Variants in GRM5 observed in about 807,000 individuals in gnomAD.
GRM5 encodes the protein glutamate metabotropic receptor 5.
Under a neutral mutation model 83.1 loss-of-function variants are expected in GRM5, and 19 were observed. The ratio of observed to expected loss-of-function variants is 0.23; its 90% CI spans 0.16 to 0.34. The LOEUF (loss-of-function observed/expected upper bound fraction) is 0.34, where lower values mean the gene tolerates loss of function less well. Among genes scored for constraint, GRM5 ranks in the 10% least tolerant of loss-of-function variants. GRM5 has a pLI of 1.00. For missense variants in GRM5, 1,160 were observed against 1,588.3 expected (o/e 0.73, Z 4.58); for synonymous variants, 675 against 633.6 (o/e 1.07, Z -0.98).
At chr11:88,582,919 C>G (rs1943241541) in intron 7 of GRM5, among the ~76,000 whole-genome samples, 2 of 151,922 alleles carry the variant, frequency 1.3e-5, no homozygotes. Flanking sequence ...AATCATAGCA[C>G]CTGGGATTTC....
intron 4 of GRM5, among the ~76,000 whole-genome samples, chr11:88,637,111 G>A (rs550223624): frequency 1.8e-4 from 28 of 152,108 alleles, no homozygotes; most frequent in African/African-American, 6.7e-4. Context: ...AGCTTGATGG[G>A]GATGGCATTG....
chr11:88,699,719 A>AG (rs1269619012), intron 3 of GRM5, among the ~76,000 whole-genome samples: 6 of 143,210 alleles, frequency 4.2e-5, no homozygotes, highest in Non-Finnish European at 9.1e-5. Flanking sequence ...AGCATGAGCA[A>AG]GACTAGTAGA....
At chr11:88,987,345 G>T (rs1299643574) in intron 2 of GRM5, among the ~76,000 whole-genome samples, 1 of 152,124 alleles carries the variant, frequency 6.6e-6, no homozygotes, top group Non-Finnish European at 1.5e-5. Context: ...CCCCCAGCTG[G>T]CTCGGAGGGT....
At chr11:88,524,202 CTTTCTTTCTTTCTTTTTT>C (rs1437929476) in intron 9 of GRM5, 3 of 99,832 alleles carry the variant, frequency 3.0e-5, no homozygotes, top group South Asian at 3.3e-4. Context: ...TTCTTTCTTT[CTTTCTTTCTTTCTTTTTT>C]TTTTTTTTTT....
intron 2 of GRM5, among the ~76,000 whole-genome samples, chr11:88,977,067 T>C (rs1939365724): frequency 6.6e-6 from 1 of 151,640 alleles, no homozygotes; most frequent in South Asian, 2.1e-4. Context: ...AAGATTTTAT[T>C]CTCAAATAAT....
At chr11:89,051,650 C>A (rs1207861375) in intron 1 of GRM5, among the ~76,000 whole-genome samples, 1 of 152,058 alleles carries the variant, frequency 6.6e-6, no homozygotes, top group Admixed American at 6.5e-5. Context: ...GAGGAGGATG[C>A]AGTGAACCAA....
intron 3 of GRM5, among the ~76,000 whole-genome samples, chr11:88,762,758 G>A (rs1278960656): frequency 6.6e-6 from 1 of 151,844 alleles, no homozygotes; most frequent in Non-Finnish European, 1.5e-5. Flanking sequence ...TAAAGACATG[G>A]AGTCAACCTA....
chr11:88,996,170 A>G (rs1489283942), intron 2 of GRM5, among the ~76,000 whole-genome samples: 1 of 152,224 alleles, frequency 6.6e-6, no homozygotes, highest in African/African-American at 2.4e-5. Context: ...CCTGTGGGAT[A>G]ATTTTACTAC....
chr11:88,611,450 G>A (rs372208996), intron 4 of GRM5, among the ~76,000 whole-genome samples: 1 of 152,206 alleles, frequency 6.6e-6, no homozygotes, highest in East Asian at 1.9e-4. Context: ...TTGAGAGGCT[G>A]GGTGTTTTCA....
intron 8 of GRM5, among the ~76,000 whole-genome samples, chr11:88,542,398 G>A (rs774547658): frequency 4.6e-5 from 7 of 152,068 alleles, no homozygotes; most frequent in Non-Finnish European, 7.4e-5. Flanking sequence ...AGAGGGCAAA[G>A]AATAAAGAAG....
At chr11:88,678,052 T>C (rs547888997) in intron 3 of GRM5, among the ~76,000 whole-genome samples, 8 of 100,524 alleles carry the variant, frequency 8.0e-5, no homozygotes, top group African/African-American at 3.1e-4. Context: ...TATTCATTTT[T>C]AATTTCTGAA....
At chr11:88,950,532 CTAGAAA>C (rs1166640788) in intron 2 of GRM5, among the ~76,000 whole-genome samples, 2 of 151,806 alleles carry the variant, frequency 1.3e-5, no homozygotes, top group Non-Finnish European at 2.9e-5. Flanking sequence ...AAAAACAGAA[CTAGAAA>C]TAATGTGAAA....
chr11:88,543,883 A>G (rs1249353039), intron 8 of GRM5, among the ~76,000 whole-genome samples: 3 of 152,078 alleles, frequency 2.0e-5, no homozygotes, highest in Admixed American at 6.6e-5. Context: ...TGTCACCAAA[A>G]GTTCACGTGT....
intron 3 of GRM5, among the ~76,000 whole-genome samples, chr11:88,737,388 T>G (rs1941938763): frequency 6.6e-6 from 1 of 152,050 alleles, no homozygotes; most frequent in Admixed American, 6.6e-5. Context: ...ATCCAGTAGG[T>G]ATTCAATGAA....
At chr11:88,965,123 T>C (rs552087) in intron 2 of GRM5, among the ~76,000 whole-genome samples, 17,561 of 152,164 alleles carry the variant, frequency 0.12, 3,296 homozygotes, top group African/African-American at 0.39. Flanking sequence ...AGGCATATAG[T>C]TATATTCTAT....
intron 3 of GRM5, among the ~76,000 whole-genome samples, chr11:88,822,463 C>T (rs1021007228): frequency 1.3e-5 from 2 of 152,172 alleles, no homozygotes; most frequent in African/African-American, 4.8e-5. Context: ...GACATCTACA[C>T]TGATATTTGA....
intron 3 of GRM5, among the ~76,000 whole-genome samples, chr11:88,710,741 G>A (rs1941263786): frequency 6.6e-6 from 1 of 151,912 alleles, no homozygotes; most frequent in Non-Finnish European, 1.5e-5. Context: ...CGTGTTTGTT[G>A]GGGTGAGGGG....
At chr11:88,771,137 G>A (rs1217421515) in intron 3 of GRM5, among the ~76,000 whole-genome samples, 1 of 152,094 alleles carries the variant, frequency 6.6e-6, no homozygotes, top group Non-Finnish European at 1.5e-5. Flanking sequence ...GGCCTGTCGA[G>A]TATGGTAGCT....
In GRM5 at chr11:88,928,907, T is replaced by TAC. The variant is rs1555043262; in HGVS notation, c.662-78754_662-78753dup. On this transcript the variant is annotated intron_variant, in intron 2 of 9. Coordinates refer to ENST00000305447, the MANE Select transcript of GRM5 (RefSeq NM_001143831.3). ...GTTTGTACCTATGTGTATGTGTATA[T>TAC]ACACACACACACACACACACACACA... 3.8e-3 allele frequency among the ~76,000 whole-genome samples: 530 copies of TAC among 138,758 alleles called. 3 individuals are homozygous for TAC. Among genetic ancestry groups the TAC allele is most frequent in the African/African-American group, 0.012 (444 of 35,838 alleles). The allele number at this position is 138,758 out of a possible 152,430, so 91.0% of individuals were successfully genotyped here.
Sources: allele counts gnomAD v4.1 joint callset (sites outside exome capture counted in the v4.1 genomes callset), GRCh38; gene constraint gnomAD v4.1.1; transcripts MANE v1.5; gene names NCBI Gene and HGNC (gene_info 2026-07-23, HGNC 2026-07-21).